Variants in ARL15 observed in about 807,000 individuals in gnomAD.
The protein encoded by ARL15 is ARF like GTPase 15.
ARL15 carries 19 observed loss-of-function variants against 25.2 expected under a neutral mutation model. That is an observed-to-expected ratio of 0.75 (90% CI 0.53 to 1.10). ARL15 has a LOEUF of 1.10. Ranked by LOEUF, ARL15 falls within the 50% of genes least tolerant of loss-of-function variation. The probability of loss-of-function intolerance (pLI) is 0.00; values close to 1 mark genes in which losing one functional copy is unlikely to be tolerated. For missense variants in ARL15, 220 were observed against 246.0 expected (o/e 0.89, Z 0.71); for synonymous variants, 94 against 86.8 (o/e 1.08, Z -0.46).
intron 1 of ARL15, among the ~76,000 whole-genome samples, chr5:54,208,416 GCA>G (rs201642389): frequency 6.6e-6 from 1 of 150,622 alleles, no homozygotes; most frequent in African/African-American, 2.4e-5. Context: ...ACACACACAC[GCA>G]CACACACACA....
intron 3 of ARL15, 93 bp from the exon 4 acceptor site, chr5:54,113,503 C>T (rs1752805182): frequency 2.5e-6 from 3 of 1,215,102 alleles, no homozygotes; most frequent in Admixed American, 2.4e-5. Context: ...ACCAATGTAC[C>T]TTTTAAAAAT....
chr5:54,200,048 A>G (rs1193364995), intron 1 of ARL15, among the ~76,000 whole-genome samples: 3 of 151,066 alleles, frequency 2.0e-5, no homozygotes, highest in Non-Finnish European at 4.4e-5. Context: ...CCAAGAACAA[A>G]AAACCAAACA....
rs1018271630 is a variant in ARL15, at chr5:53,995,424, A to G, written c.463-108711T>C. Among the ~76,000 whole-genome samples, 38 of 151,954 alleles carry G rather than the reference A, an allele frequency of 2.5e-4. 1 individual carries two copies. The highest frequency in any genetic ancestry group is 8.7e-4 in the African/African-American group (36 of 41,394). On this transcript the variant is annotated intron_variant, in intron 4 of 4. Transcript: ENST00000504924. ...TGTCTACATTAGGGGTGTGCAATAA[A>G]TGATTTTAAAAATGACTATACTGCT...
At chr5:54,044,394 C>G (rs1203520107) in intron 4 of ARL15, among the ~76,000 whole-genome samples, 2 of 152,052 alleles carry the variant, frequency 1.3e-5, no homozygotes, top group Non-Finnish European at 2.9e-5. Flanking sequence ...CAGGCTCTCA[C>G]CACCACGCCT....
chr5:54,190,051 A>T (rs1019711756), intron 1 of ARL15, among the ~76,000 whole-genome samples: 1 of 152,188 alleles, frequency 6.6e-6, no homozygotes, highest in Non-Finnish European at 1.5e-5. Context: ...AATTAAGTAC[A>T]TGAAAAGATG....
At chr5:54,203,558 G>A (rs532794667) in intron 1 of ARL15, among the ~76,000 whole-genome samples, 20 of 152,206 alleles carry the variant, frequency 1.3e-4, no homozygotes, top group African/African-American at 4.3e-4. Context: ...TTGAAAGTAT[G>A]AGAAAATATC....
chr5:53,979,104 T>C (rs1326643292), intron 4 of ARL15, among the ~76,000 whole-genome samples: 1 of 152,180 alleles, frequency 6.6e-6, no homozygotes, highest in Admixed American at 6.5e-5. Context: ...GAGTCTATGC[T>C]TTCAGAACAG....
chr5:54,121,971 C>G (rs1031352946), intron 3 of ARL15, among the ~76,000 whole-genome samples: 1 of 152,158 alleles, frequency 6.6e-6, no homozygotes, highest in African/African-American at 2.4e-5. Context: ...AAGCCTATAA[C>G]TCACAGAACT....
At chr5:53,989,948 A>G (rs1206711704) in intron 4 of ARL15, among the ~76,000 whole-genome samples, 1 of 152,150 alleles carries the variant, frequency 6.6e-6, no homozygotes, top group Non-Finnish European at 1.5e-5. Context: ...TAAAGAAAGC[A>G]CAAGGCTGGG....
chr5:54,073,819 G>C (rs1314790964), intron 4 of ARL15, among the ~76,000 whole-genome samples: 1 of 152,170 alleles, frequency 6.6e-6, no homozygotes, highest in Non-Finnish European at 1.5e-5. Flanking sequence ...GGGATGTATG[G>C]GCAGCAGCCA....
chr5:54,225,663 G>T (rs1224989259), intron 1 of ARL15, among the ~76,000 whole-genome samples: 5 of 152,172 alleles, frequency 3.3e-5, no homozygotes, highest in South Asian at 2.1e-4. Context: ...GAAAGTGATG[G>T]CAGGGAGGAG....
At chr5:53,929,661 T>C (rs1345978051) in intron 4 of ARL15, among the ~76,000 whole-genome samples, 1 of 152,218 alleles carries the variant, frequency 6.6e-6, no homozygotes, top group South Asian at 2.1e-4. Context: ...AAGTATTTCA[T>C]GCATGGCAGT....
At chr5:54,024,164 T>C (rs375630784) in intron 4 of ARL15, among the ~76,000 whole-genome samples, 27 of 152,346 alleles carry the variant, frequency 1.8e-4, no homozygotes, top group East Asian at 9.7e-4. Context: ...AGAGGGAGGC[T>C]TGCCCTTGGC....
chr5:54,031,097 G>C (rs1233696287), intron 4 of ARL15, among the ~76,000 whole-genome samples: 1 of 152,092 alleles, frequency 6.6e-6, no homozygotes, highest in African/African-American at 2.4e-5. Flanking sequence ...CCAAACCAGG[G>C]GGAGTCTAAG....
intron 4 of ARL15, among the ~76,000 whole-genome samples, chr5:54,043,367 G>C (rs921163683): frequency 2.6e-5 from 4 of 152,156 alleles, no homozygotes; most frequent in Non-Finnish European, 5.9e-5. Context: ...AAGGCTCTGA[G>C]TGAATGGTAG....
chr5:54,127,820 G>A (rs910636278), intron 3 of ARL15, among the ~76,000 whole-genome samples: 3 of 148,936 alleles, frequency 2.0e-5, no homozygotes, highest in Admixed American at 6.7e-5. Context: ...CCAAAACAGA[G>A]ATATAGATCA....
At chr5:54,067,270 A>C (rs1055855078) in intron 4 of ARL15, 2 of 152,554 alleles carry the variant, frequency 1.3e-5, no homozygotes, top group Admixed American at 6.5e-5. Flanking sequence ...TTTTCTGACA[A>C]TTTTTTTCAG....
At chr5:54,220,257 T>C (rs1756333620) in intron 1 of ARL15, among the ~76,000 whole-genome samples, 1 of 152,190 alleles carries the variant, frequency 6.6e-6, no homozygotes, top group Non-Finnish European at 1.5e-5. Context: ...AAGATCAAAA[T>C]TGGCTTAAAA....
intron 1 of ARL15, among the ~76,000 whole-genome samples, chr5:54,204,823 T>G (rs565529074): frequency 6.6e-6 from 1 of 152,242 alleles, no homozygotes; most frequent in Non-Finnish European, 1.5e-5. Flanking sequence ...TAGTTATCGC[T>G]CAGAATCCAA....
Sources: allele counts gnomAD v4.1 joint callset (sites outside exome capture counted in the v4.1 genomes callset), GRCh38; gene constraint gnomAD v4.1.1; transcripts MANE v1.5; gene names NCBI Gene and HGNC (gene_info 2026-07-23, HGNC 2026-07-21).